Variants in LIG4 observed in about 807,000 individuals in gnomAD.
The protein encoded by LIG4 is DNA ligase 4.
LIG4 carries 13 observed loss-of-function variants against 19.0 expected under a neutral mutation model. That is an observed-to-expected ratio of 0.68 (90% CI 0.44 to 1.09). The LOEUF (loss-of-function observed/expected upper bound fraction) is 1.09. Among genes scored for constraint, LIG4 ranks in the 50% least tolerant of loss-of-function variants. LIG4 has a pLI of 0.00. For synonymous variants in LIG4, 361 were observed against 358.2 expected (o/e 1.01, Z -0.09); for missense variants, 1,026 against 1,089.7 (o/e 0.94, Z 0.82).
chr13:108,212,021 T>C (rs974744141), intron 2 of LIG4, among the ~76,000 whole-genome samples: 4 of 152,106 alleles, frequency 2.6e-5, no homozygotes, highest in African/African-American at 9.7e-5. Flanking sequence ...CATAGTTACT[T>C]ACTGTCTTAT....
In LIG4 at chr13:108,210,421, T is replaced by A. The variant is rs1566365958; in HGVS notation, c.848A>T (p.Lys283Ile). The A allele has an allele frequency of 6.2e-7, 1 of 1,613,592 alleles. No homozygotes were observed. The highest frequency in any genetic ancestry group is 2.2e-5 in the East Asian group (1 of 44,866). Reference sequence around the variant, plus strand: ...GAAGTATTTATATACATCTCCATCTTTGTGCATTTGCATACGTTCACCATC... The same window carrying A: ...GAAGTATTTATATACATCTCCATCTATGTGCATTTGCATACGTTCACCATC... ...KLDGERMQMH[K>I]DGDVYKYFSR... Residue 283 changes from lysine to isoleucine, a missense_variant, in exon 3 of 3, where the codon AAA becomes ATA. By Grantham distance (102) the Lys-to-Ile change is moderately radical (BLOSUM62 -3). This residue lies in a region of LIG4 where 493 missense variants were observed against 544.5 expected (regional missense o/e 0.91). Transcript: ENST00000442234.
chr13:108,216,916 T>A (rs1169387917), upstream of LIG4, among the ~76,000 whole-genome samples: 1 of 152,166 alleles, frequency 6.6e-6, no homozygotes, highest in Non-Finnish European at 1.5e-5. Flanking sequence ...AGGGTTTTTT[T>A]CACTAAGTAT....
intron 2 of LIG4, among the ~76,000 whole-genome samples, chr13:108,213,970 G>GCT (rs1186171591): frequency 6.6e-6 from 1 of 152,074 alleles, no homozygotes; most frequent in Non-Finnish European, 1.5e-5. Context: ...TAAAAAGGTG[G>GCT]GAAGAAGCTT....
At chr13:108,213,479 T>G (rs1319853717) in intron 2 of LIG4, among the ~76,000 whole-genome samples, 2 of 152,276 alleles carry the variant, frequency 1.3e-5, no homozygotes, top group African/African-American at 4.8e-5. Flanking sequence ...TGGATACACA[T>G]GTATCCTAAA....
In LIG4 at chr13:108,210,641, C is replaced by T; in HGVS notation, c.628G>A (p.Asp210Asn). 1 of 1,613,736 alleles carries T rather than the reference C, an allele frequency of 6.2e-7. No individual in the cohort carries two copies. Among genetic ancestry groups the T allele is most frequent in the African/African-American group, 1.3e-5 (1 of 75,040 alleles). Residue 210 changes from aspartate (D) to asparagine (N), a missense_variant, in exon 3 of 3, where the codon GAT becomes AAT. Transcript: ENST00000442234. ...QQTIFSVFHN[D>N]AAELHNVTTD... ...GTGACATTATGCAACTCAGCAGCAT[C>T]ATTATGAAAAACAGAAAAGATAGTT... is the stretch of plus-strand genomic sequence containing the variant.
Position 108,209,042 on chromosome 13 carries a change from T to C in LIG4, c.2227A>G (p.Met743Val), listed in dbSNP as rs1485421717. Residue 743 changes from methionine to valine, a missense_variant, in exon 3 of 3, where the codon ATG becomes GTG. By Grantham distance (21) the Met-to-Val change is conservative. Around this residue, in one of 3 missense-constraint regions of LIG4, gnomAD observed 521 missense variants for 515.5 expected, o/e 1.01. Coordinates refer to ENST00000442234, the MANE Select transcript of LIG4 (RefSeq NM_206937.2). ...TTGGTTGATGGGCACATATGAATCA[T>C]AAAGCGAGGCTGCCATGGTACAAAG... Reference protein sequence around the residue: ...KSFVPWQPRFMIHMCPSTKEH... With the variant: ...KSFVPWQPRFVIHMCPSTKEH... 6.2e-7 allele frequency: 1 copy of C among 1,614,144 alleles called. No homozygotes were observed. The highest frequency in any genetic ancestry group is 1.7e-5 in the Admixed American group (1 of 60,032).
chr13:108,218,338 G>C (rs1010005267), upstream of LIG4: 1 of 152,422 alleles, frequency 6.6e-6, no homozygotes, highest in South Asian at 2.1e-4. Context: ...TATCTTTTCC[G>C]TCCGGGCCAC....
chr13:108,208,692 T>A lies in LIG4; in HGVS notation c.2577A>T (p.Gly859=). 1.2e-6 allele frequency: 2 copies of A among 1,614,164 alleles called. No individual in the cohort carries two copies. Among genetic ancestry groups the A allele is most frequent in the Non-Finnish European group, 1.7e-6 (2 of 1,180,014 alleles). Residue 859 remains glycine, a synonymous_variant, in exon 3 of 3, where the codon GGA becomes GGT. Transcript: ENST00000442234. Reference sequence around the variant, plus strand: ...CTTCCCCAATTATTACATGAGACACTCCCTCAGCTAAACAAGAAACTACTT... The same window carrying A: ...CTTCCCCAATTATTACATGAGACACACCCTCAGCTAAACAAGAAACTACTT... The part of the protein sequence containing the change: ...GAKVVSCLAE[G]VSHVIIGEDH...
At position 108,209,087 on chromosome 13, in the gene LIG4, C is replaced by T. The variant is rs751692239; in HGVS notation, c.2182G>A (p.Glu728Lys). The T allele has an allele frequency of 1.9e-6, 3 of 1,614,138 alleles. No individual in the cohort carries two copies. In the South Asian group the frequency reaches 3.3e-5, roughly 18 times the overall value. ...HDVVKPAWLLECFKTKSFVPW... is the reference protein window; with the variant it reads ...HDVVKPAWLLKCFKTKSFVPW... ...ACAAAGCTTTTGGTCTTAAAACATT[C>T]TAAAAGCCATGCAGGCTTGACAACA... is the stretch of plus-strand genomic sequence containing the variant. Residue 728 changes from glutamate to lysine, a missense_variant, in exon 3 of 3, where the codon GAA (glutamate) becomes AAA (lysine). Around this residue, in one of 3 missense-constraint regions of LIG4, gnomAD observed 521 missense variants for 515.5 expected, o/e 1.01. Transcript: ENST00000442234.
In LIG4 at chr13:108,210,446, C is replaced by T. The variant is rs1459741712; in HGVS notation, c.823G>A (p.Asp275Asn). 6.2e-7 allele frequency: 1 copy of T among 1,613,450 alleles called. No homozygotes were observed. ...HQSFYIETKL[D>N]GERMQMHKDG... ...TTGTGCATTTGCATACGTTCACCATCTAGCTTGGTTTCTATGTAGAAACTC... is the reference window on the plus strand; with the variant it reads ...TTGTGCATTTGCATACGTTCACCATTTAGCTTGGTTTCTATGTAGAAACTC... The change falls in exon 3 of 3, where the codon GAT (aspartate) becomes AAT (asparagine). Residue 275 changes from aspartate (D) to asparagine (N), a missense_variant. Asp to Asn is a conservative substitution (Grantham distance 23). Around this residue, in one of 3 missense-constraint regions of LIG4, gnomAD observed 493 missense variants for 544.5 expected, o/e 0.91. Transcript: ENST00000442234.
At chr13:108,217,738 C>A (rs1349004938), upstream of LIG4, among the ~76,000 whole-genome samples, 1 of 151,832 alleles carries the variant, frequency 6.6e-6, no homozygotes, top group Non-Finnish European at 1.5e-5. Flanking sequence ...ATGAAATATC[C>A]TCTGTATATA....
Position 108,210,845 on chromosome 13 carries a change from T to A in LIG4, c.424A>T (p.Ser142Cys). The part of the protein sequence containing the change: ...VLKPRCLQKG[S>C]LTIQQVNDLL... ...TCGTTTACTTGCTGTATGGTTAAAC[T>A]TCCTTTCTGTAAACATCTTGGCTTC... Residue 142 changes from serine (S) to cysteine (C), a missense_variant, in exon 3 of 3, where the codon AGT becomes TGT. Physicochemically the swap from Ser to Cys is moderately radical, Grantham distance 112 (BLOSUM62 -1). Coordinates refer to ENST00000442234, the MANE Select transcript of LIG4 (RefSeq NM_206937.2). 1.9e-6 allele frequency: 3 copies of A among 1,614,030 alleles called. No homozygotes were observed. In the African/African-American group the frequency reaches 4.0e-5, roughly 22 times the overall value.
rs1008962363 is a variant in LIG4, at chr13:108,207,455, T to A, written c.*1078A>T. 3 of 152,022 alleles carry A rather than the reference T, an allele frequency of 2.0e-5. No individual in the cohort carries two copies. Among genetic ancestry groups the A allele is most frequent in the Admixed American group, 2.0e-4 (3 of 15,274 alleles). The allele number at this position is 152,022 out of a possible 1,614,324, so 9.4% of individuals were successfully genotyped here. On this transcript the variant is annotated 3_prime_UTR_variant, in exon 3 of 3. Transcript: ENST00000442234. Reference sequence around the variant, plus strand: ...CATAAGAAATTATTTTAATAGTGCATTAAATATTTTATTTAAATTAAGAAG... The same window carrying A: ...CATAAGAAATTATTTTAATAGTGCAATAAATATTTTATTTAAATTAAGAAG...
In LIG4 at chr13:108,210,167, C is replaced by T. The variant is rs1388061413; in HGVS notation, c.1102G>A (p.Asp368Asn). 5 of 1,613,658 alleles carry T rather than the reference C, an allele frequency of 3.1e-6. No homozygotes were observed. The highest frequency in any genetic ancestry group is 4.2e-6 in the Non-Finnish European group (5 of 1,179,960). ...TTTTTATTATTAACCATCAATACAT[C>T]AAAAACACAATAACAAGTTTGCAGA... ...SDLQTCYCVF[D>N]VLMVNNKKLG... is the part of the protein sequence containing the mutation. Residue 368 changes from aspartate to asparagine, a missense_variant, in exon 3 of 3, where the codon GAT becomes AAT. By Grantham distance (23) the Asp-to-Asn change is conservative. Transcript: ENST00000442234.
upstream of LIG4, among the ~76,000 whole-genome samples, chr13:108,215,729 G>C (rs538693186): frequency 7.3e-5 from 11 of 151,684 alleles, no homozygotes; most frequent in East Asian, 2.2e-3. Context: ...TATTGGCCTC[G>C]GCAGCAGATG....
chr13:108,215,320 A>G (rs1245581036), intron 1 of LIG4, among the ~76,000 whole-genome samples, 164 bp downstream of exon 1: 1 of 95,922 alleles, frequency 1.0e-5, no homozygotes, highest in Non-Finnish European at 2.1e-5. Flanking sequence ...GACGCCCCAC[A>G]GACCTTCCCC....
At chr13:108,216,287 C>T (rs912978628), upstream of LIG4, among the ~76,000 whole-genome samples, 2 of 152,098 alleles carry the variant, frequency 1.3e-5, no homozygotes, top group Admixed American at 6.5e-5. Flanking sequence ...AGTCCTCTTT[C>T]GCCATGGAGA....
At position 108,209,169 on chromosome 13, in the gene LIG4, T is replaced by TA; in HGVS notation, c.2099dup (p.Ile701AsnfsTer5). 6.2e-7 allele frequency: 1 copy of TA among 1,614,180 alleles called. No individual in the cohort carries two copies. The highest frequency in any genetic ancestry group is 8.5e-7 in the Non-Finnish European group (1 of 1,180,012). On this transcript the variant is annotated frameshift_variant, in exon 3 of 3. Transcript: ENST00000442234. LOFTEE classifies it low-confidence loss of function (END_TRUNC). ...CTCTGATGTTCTCAGACCCTGCAAT[T>TA]ACACAGTACGTGTCTGGGCCTGGAT...
Position 108,210,092 on chromosome 13 carries a change from A to T in LIG4, c.1177T>A (p.Phe393Ile). ...RKRYEILSSIFTPIPGRIEIV... is the reference protein window; with the variant it reads ...RKRYEILSSIITPIPGRIEIV... ...TCTATTCTACCTGGAATTGGTGTAA[A>T]AATACTACTAAGAATCTCATACCTC... Residue 393 changes from phenylalanine to isoleucine, a missense_variant, in exon 3 of 3, where the codon TTT becomes ATT. Physicochemically the swap from Phe to Ile is conservative, Grantham distance 21 (BLOSUM62 0). Transcript: ENST00000442234. 2 of 1,613,410 alleles carry T rather than the reference A, an allele frequency of 1.2e-6. No individual in the cohort carries two copies. Among genetic ancestry groups the T allele is most frequent in the Non-Finnish European group, 1.7e-6 (2 of 1,179,918 alleles).
Sources: gnomAD v4.1 joint callset for allele counts (sites outside exome capture counted in the v4.1 genomes callset) on GRCh38, gnomAD v4.1.1 for gene constraint, gnomAD v4.1.1 regional missense constraint, MANE v1.5 for transcripts, NCBI Gene and HGNC (gene_info 2026-07-23, HGNC 2026-07-21) for gene names.